TOPAZ1: variants seen among roughly 807,000 people sequenced by gnomAD.
The protein encoded by TOPAZ1 is testis and ovary specific TOPAZ 1.
Under a neutral mutation model 172.2 loss-of-function variants are expected in TOPAZ1, and 66 were observed. The ratio of observed to expected loss-of-function variants is 0.38; its 90% CI spans 0.31 to 0.47. The LOEUF (loss-of-function observed/expected upper bound fraction) is 0.47, where lower values mean the gene tolerates loss of function less well. Ranked by LOEUF, TOPAZ1 falls within the 20% of genes least tolerant of loss-of-function variation. TOPAZ1 has a pLI of 0.99. For missense variants in TOPAZ1, 1,822 were observed against 1,972.4 expected (o/e 0.92, Z 1.44); for synonymous variants, 681 against 683.9 (o/e 1.00, Z 0.07).
chr3:44,316,352 A>G (rs976060326), intron 16 of TOPAZ1, among the ~76,000 whole-genome samples: 5 of 152,208 alleles, frequency 3.3e-5, no homozygotes, highest in Admixed American at 2.6e-4. Context: ...ATTTAATGTG[A>G]TCTTTATAAT....
chr3:44,288,324 G>A (rs888091324), intron 11 of TOPAZ1, among the ~76,000 whole-genome samples: 2 of 151,974 alleles, frequency 1.3e-5, no homozygotes, highest in African/African-American at 2.4e-5. Flanking sequence ...ACAGATATGT[G>A]AGTGAATACC....
At chr3:44,303,752 G>C (rs1267160476) in intron 12 of TOPAZ1, among the ~76,000 whole-genome samples, 1 of 151,910 alleles carries the variant, frequency 6.6e-6, no homozygotes, top group Admixed American at 6.6e-5. Context: ...TTGAAGTTTT[G>C]ACATCCTCTG....
intron 17 of TOPAZ1, 91 bp downstream of exon 17, chr3:44,321,282 G>T: frequency 2.3e-6 from 2 of 870,308 alleles, no homozygotes; most frequent in Non-Finnish European, 3.3e-6. Flanking sequence ...TTTTGATTGA[G>T]TTTTATATTC....
intron 12 of TOPAZ1, among the ~76,000 whole-genome samples, chr3:44,291,555 C>G (rs755849837): frequency 6.0e-5 from 9 of 151,054 alleles, no homozygotes; most frequent in Non-Finnish European, 8.8e-5. Flanking sequence ...GAGCCGAGAT[C>G]GCACCACTAC....
chr3:44,256,057 C>A (rs1699699390), intron 3 of TOPAZ1, 94 bp from the exon 4 acceptor site: 10 of 895,510 alleles, frequency 1.1e-5, no homozygotes, highest in Non-Finnish European at 3.2e-6. Context: ...CTTAAAAGAG[C>A]CTCTGAATTC....
At chr3:44,276,369 C>A (rs1042896726) in intron 8 of TOPAZ1, among the ~76,000 whole-genome samples, 1 of 151,962 alleles carries the variant, frequency 6.6e-6, no homozygotes, top group Non-Finnish European at 1.5e-5. Context: ...AGATAGGGGT[C>A]CAGTTTCATT....
chr3:44,320,387 A>G (rs1700495477), intron 16 of TOPAZ1, among the ~76,000 whole-genome samples: 2 of 152,174 alleles, frequency 1.3e-5, no homozygotes, highest in Non-Finnish European at 1.5e-5. Context: ...CACAAGGTCA[A>G]GAGATCGAGA....
chr3:44,298,909 A>ATATATATATT (rs1287571186), intron 12 of TOPAZ1, among the ~76,000 whole-genome samples: 24 of 41,320 alleles, frequency 5.8e-4, no homozygotes, highest in African/African-American at 6.9e-4. Flanking sequence ...ATATATATAT[A>ATATATATATT]TTTTTTTTTT....
At chr3:44,251,754 CT>C (rs1298415994) in intron 2 of TOPAZ1, among the ~76,000 whole-genome samples, 4 of 152,058 alleles carry the variant, frequency 2.6e-5, no homozygotes, top group Non-Finnish European at 5.9e-5. Context: ...TGGCTTAAAC[CT>C]GTCTTACTCT....
At chr3:44,289,598 T>C (rs1248756070) in intron 11 of TOPAZ1, among the ~76,000 whole-genome samples, 1 of 152,222 alleles carries the variant, frequency 6.6e-6, no homozygotes, top group Non-Finnish European at 1.5e-5. Context: ...ACAATTTTCC[T>C]TGGAGTTCAA....
At chr3:44,263,074 C>A (rs1178970385) in intron 5 of TOPAZ1, among the ~76,000 whole-genome samples, 1 of 152,048 alleles carries the variant, frequency 6.6e-6, no homozygotes. Context: ...TTATTGAGTC[C>A]CATCTCAGAT....
chr3:44,296,847 C>CAAAAAAAAAAA (rs141080618), intron 12 of TOPAZ1, among the ~76,000 whole-genome samples: 30 of 104,728 alleles, frequency 2.9e-4, no homozygotes, highest in African/African-American at 3.4e-4. Context: ...CAGAGAATAC[C>CAAAAAAAAAAA]AAAAAAAAAA....
intron 19 of TOPAZ1, among the ~76,000 whole-genome samples, chr3:44,331,344 T>G (rs76132274): frequency 6.9e-6 from 1 of 144,030 alleles, no homozygotes; most frequent in Admixed American, 6.9e-5. Flanking sequence ...CTTTTTTTTT[T>G]GGACAGAGTC....
At chr3:44,304,194 A>T in intron 13 of TOPAZ1, 113 bp downstream of exon 13, 1 of 568,042 alleles carries the variant, frequency 1.8e-6, no homozygotes, top group Non-Finnish European at 3.0e-6. Context: ...TGTGGCTGTT[A>T]TACAGAGAAA....
rs940486323 is a variant in TOPAZ1, at chr3:44,241,917, G to A, written c.-137G>A. On this transcript the variant is annotated 5_prime_UTR_variant, in exon 1 of 20. Coordinates refer to ENST00000309765, the MANE Select transcript of TOPAZ1 (RefSeq NM_001145030.2). ...GCTTACGCGCCCCACTTCCGCTTCC[G>A]GCCCCGGGCTGTGGTGACTGGCGGT... 1.2e-6 allele frequency: 1 copy of A among 845,818 alleles called. No individual in the cohort carries two copies. The highest frequency in any genetic ancestry group is 1.8e-6 in the Non-Finnish European group (1 of 570,862). The allele number at this position is 845,818 out of a possible 1,614,324, so 52.4% of individuals were successfully genotyped here. A position where few individuals can be genotyped will look rare whatever the true frequency, so the allele number is the denominator to read the frequency against.
At chr3:44,295,146 A>G (rs1700180016) in intron 12 of TOPAZ1, among the ~76,000 whole-genome samples, 1 of 152,136 alleles carries the variant, frequency 6.6e-6, no homozygotes, top group Non-Finnish European at 1.5e-5. Flanking sequence ...TTGTAGATAT[A>G]TATTTTTTAG....
chr3:44,290,089 T>G (rs908623123), intron 11 of TOPAZ1, among the ~76,000 whole-genome samples: 2 of 152,164 alleles, frequency 1.3e-5, no homozygotes, highest in African/African-American at 4.8e-5. Flanking sequence ...GAGGATCATT[T>G]GAGCTGGGGC....
At chr3:44,313,073 T>C (rs1320848144) in intron 16 of TOPAZ1, among the ~76,000 whole-genome samples, 2 of 152,194 alleles carry the variant, frequency 1.3e-5, no homozygotes, top group African/African-American at 4.8e-5. Context: ...TTCTATCTTA[T>C]AAATAGACAG....
chr3:44,247,572 A>G (rs1032464669), intron 2 of TOPAZ1, among the ~76,000 whole-genome samples: 15 of 152,186 alleles, frequency 9.9e-5, no homozygotes, highest in African/African-American at 2.9e-4. Context: ...CTGAACTCCA[A>G]TGATTCTCAT....
Sources: allele counts gnomAD v4.1 joint callset (sites outside exome capture counted in the v4.1 genomes callset), GRCh38; gene constraint gnomAD v4.1.1; transcripts MANE v1.5; gene names NCBI Gene and HGNC (gene_info 2026-07-23, HGNC 2026-07-21).